Variants in CC2D1B observed in about 807,000 individuals in gnomAD.
The protein encoded by CC2D1B is coiled-coil and C2 domain containing 1B.
Under a neutral mutation model 110.8 loss-of-function variants are expected in CC2D1B, and 92 were observed. The ratio of observed to expected loss-of-function variants is 0.83; its 90% CI spans 0.70 to 0.99. The LOEUF (loss-of-function observed/expected upper bound fraction) is 0.99, where lower values mean the gene tolerates loss of function less well. CC2D1B is among the 50% of genes least tolerant of loss of function. The pLI is 0.00. For synonymous variants in CC2D1B, 406 were observed against 429.2 expected (o/e 0.95, Z 0.67); for missense variants, 1,136 against 1,089.0 (o/e 1.04, Z -0.61).
Position 52,357,075 on chromosome 1 carries a change from C to T in CC2D1B, c.1804G>A (p.Glu602Lys). Residue 602 changes from glutamate (E) to lysine (K), a missense_variant, in exon 16 of 25, where the codon GAG becomes AAG. By Grantham distance (56) the Glu-to-Lys change is moderately conservative. Coordinates refer to ENST00000284376, the MANE Select transcript of CC2D1B (RefSeq NM_001330585.2). ...EEGDFILIHH[E>K]DLRLSQKAEE... Reference sequence around the variant, plus strand: ...GCCTTCTGGGAGAGTCGCAGGTCCTCATGGTGGATGAGGATGAAGTCACCC... The same window carrying T: ...GCCTTCTGGGAGAGTCGCAGGTCCTTATGGTGGATGAGGATGAAGTCACCC... 1 of 1,612,142 alleles carries T rather than the reference C, an allele frequency of 6.2e-7. No individual in the cohort carries two copies. Among genetic ancestry groups the T allele is most frequent in the Non-Finnish European group, 8.5e-7 (1 of 1,179,200 alleles).
intron 3 of CC2D1B, among the ~76,000 whole-genome samples, chr1:52,362,006 C>T (rs1043718708): frequency 3.3e-5 from 5 of 152,194 alleles, no homozygotes; most frequent in Non-Finnish European, 5.9e-5. Flanking sequence ...AAACTTCCAA[C>T]ATTAATTTTC....
At chr1:52,365,308 G>A (rs1049335698) in intron 1 of CC2D1B, among the ~76,000 whole-genome samples, 6 of 152,268 alleles carry the variant, frequency 3.9e-5, no homozygotes, top group Admixed American at 6.5e-5. Context: ...TGGACTACAC[G>A]GGGTTGCCCC....
intron 15 of CC2D1B, among the ~76,000 whole-genome samples, 178 bp downstream of exon 15, chr1:52,357,348 T>C (rs540897204): frequency 6.6e-6 from 1 of 152,356 alleles, no homozygotes; most frequent in East Asian, 1.9e-4. Context: ...TCCCTTCTCC[T>C]GGTTTCCTTT....
rs1482561165 is a variant in CC2D1B, at chr1:52,358,955, G to GGACCAGGGAGACAGAGCACCC, written c.1257+51_1257+71dup. 3.8e-6 allele frequency: 6 copies of GGACCAGGGAGACAGAGCACCC among 1,577,840 alleles called. No homozygotes were observed. In the East Asian group the frequency reaches 1.3e-4, roughly 35 times the overall value. ...TCAGAAAAGACAAGGACTAGCCGGA[G>GGACCAGGGAGACAGAGCACCC]GACCAGGGAGACAGAGCACCCAGCC... On this transcript the variant is annotated intron_variant, in intron 11 of 24. Coordinates refer to ENST00000284376, the MANE Select transcript of CC2D1B (RefSeq NM_001330585.2).
At chr1:52,360,737 C>T in intron 5 of CC2D1B, 188 bp from the exon 6 acceptor site, 1 of 984,812 alleles carries the variant, frequency 1.0e-6, no homozygotes, top group Non-Finnish European at 1.5e-6. Flanking sequence ...AAATACAGAG[C>T]CCCACTTGGT....
chr1:52,359,595 A>G, intron 8 of CC2D1B, 61 bp from the exon 9 acceptor site: 2 of 1,587,692 alleles, frequency 1.3e-6, no homozygotes, highest in Non-Finnish European at 1.7e-6. Flanking sequence ...GCCTGGGCTG[A>G]AACAACCCCC....
At position 52,353,620 on chromosome 1, in the gene CC2D1B, C is replaced by A. The variant is rs746892769; in HGVS notation, c.2458G>T (p.Gly820Trp). 1.2e-6 allele frequency: 2 copies of A among 1,609,070 alleles called. No homozygotes were observed. Among genetic ancestry groups the A allele is most frequent in the Non-Finnish European group, 8.5e-7 (1 of 1,177,554 alleles). ...AGCCTCACCTTCACCTCCAGCTTCCCCCCGGTGGGCTTCCTTCCATCCAGG... is the reference window on the plus strand; with the variant it reads ...AGCCTCACCTTCACCTCCAGCTTCCACCCGGTGGGCTTCCTTCCATCCAGG... ...EVLDGRKPTG[G>W]KLEVKVRLRE... Residue 820 changes from glycine (G) to tryptophan (W), a missense_variant, in exon 24 of 25, where the codon GGG (glycine) becomes TGG (tryptophan). By Grantham distance (184) the Gly-to-Trp change is radical (BLOSUM62 -2). Transcript: ENST00000284376.
At position 52,357,804 on chromosome 1, in the gene CC2D1B, G is replaced by A; in HGVS notation, c.1556C>T (p.Ser519Phe). Residue 519 changes from serine to phenylalanine, a missense_variant, in exon 14 of 25, where the codon TCT (serine) becomes TTT (phenylalanine). Physicochemically the swap from Ser to Phe is radical, Grantham distance 155 (BLOSUM62 -2). Coordinates refer to ENST00000284376, the MANE Select transcript of CC2D1B (RefSeq NM_001330585.2). ...QRLPEPRASS[S>F]KESPSPSVRE... is the part of the protein sequence containing the mutation. ...ACCAGATGGACTCGGTGACTCCTTA[G>A]AACTTGAGGCCCTGGGCTCAGGCAG... The A allele has an allele frequency of 6.3e-7, 1 of 1,592,044 alleles. No individual in the cohort carries two copies. Among genetic ancestry groups the A allele is most frequent in the Non-Finnish European group, 8.6e-7 (1 of 1,169,496 alleles).
intron 16 of CC2D1B, 193 bp downstream of exon 16, chr1:52,356,806 AAG>A: frequency 1.6e-6 from 1 of 630,088 alleles, no homozygotes; most frequent in Non-Finnish European, 2.7e-6. Flanking sequence ...ACCACCCTGA[AAG>A]GGGTATTATC....
At chr1:52,362,788 G>T (rs781040099) in intron 2 of CC2D1B, 42 bp from the exon 3 acceptor site, 1 of 1,607,002 alleles carries the variant, frequency 6.2e-7, no homozygotes, top group East Asian at 2.2e-5. Flanking sequence ...ACAACAAGCA[G>T]GGTAGGGTCC....
In CC2D1B at chr1:52,361,119, T is replaced by A; in HGVS notation, c.332A>T (p.Glu111Val). 1 of 1,613,952 alleles carries A rather than the reference T, an allele frequency of 6.2e-7. No homozygotes were observed. The highest frequency in any genetic ancestry group is 8.5e-7 in the Non-Finnish European group (1 of 1,179,958). The change falls in exon 5 of 25, where the codon GAG (glutamate) becomes GTG (valine). Residue 111 changes from glutamate (E) to valine (V), a missense_variant. Transcript: ENST00000284376. ...EDAELLTELQ[E>V]VLGVDEETEP... ...AGTCTCCTCGTCCACACCTAAGACC[T>A]CCTGCAGCTCCGTCTAGGGAGACAA... is the stretch of plus-strand genomic sequence containing the variant.
Position 52,355,455 on chromosome 1 carries a change from C to T in CC2D1B, c.2188-6G>A. On this transcript the variant is annotated splice_polypyrimidine_tract_variant and splice_region_variant and intron_variant, in intron 20 of 24. Coordinates refer to ENST00000284376, the MANE Select transcript of CC2D1B (RefSeq NM_001330585.2). ...TTGCTTTTTTGAGCCTGGTCCTAAG[C>T]AGTGAGGAGGGAGAAGTCAGGACAG... The T allele has an allele frequency of 2.5e-6, 4 of 1,614,124 alleles. No individual in the cohort carries two copies. Among genetic ancestry groups the T allele is most frequent in the Non-Finnish European group, 3.4e-6 (4 of 1,180,018 alleles).
At chr1:52,355,554 GGTCC>G in intron 20 of CC2D1B, 50 bp downstream of exon 20, 1 of 1,609,776 alleles carries the variant, frequency 6.2e-7, no homozygotes, top group Non-Finnish European at 8.5e-7. Flanking sequence ...GTGAGCACAG[GGTCC>G]TGGAATGCAA....
chr1:52,361,999 C>T (rs1646791387), intron 3 of CC2D1B, among the ~76,000 whole-genome samples: 1 of 152,202 alleles, frequency 6.6e-6, no homozygotes. Context: ...AACTGAGAAA[C>T]TTCCAACATT....
At chr1:52,361,229 C>T (rs1646776228) in intron 4 of CC2D1B, 97 bp from the exon 5 acceptor site, 2 of 1,451,424 alleles carry the variant, frequency 1.4e-6, no homozygotes, top group Admixed American at 3.8e-5. Flanking sequence ...AGCAATATTC[C>T]CTAACGTCAG....
At position 52,350,828 on chromosome 1, in the gene CC2D1B, C is replaced by T. The variant is rs1646521548; in HGVS notation, c.*2397G>A. On this transcript the variant is annotated 3_prime_UTR_variant, in exon 25 of 25. Coordinates refer to ENST00000284376, the MANE Select transcript of CC2D1B (RefSeq NM_001330585.2). ...TGGTACAATCGAGGCTCACTGCAACCTCTGCTTCCTGGGCTCAAGGGATTC... is the reference window on the plus strand; with the variant it reads ...TGGTACAATCGAGGCTCACTGCAACTTCTGCTTCCTGGGCTCAAGGGATTC... The T allele has an allele frequency of 6.6e-6, 1 of 152,314 alleles. No individual in the cohort carries two copies. The highest frequency in any genetic ancestry group is 2.1e-4 in the South Asian group (1 of 4,836). 9.4% of individuals were successfully genotyped at this position (152,314 alleles called of 1,614,324 possible).
rs767111281 is a variant in CC2D1B at position 52,353,503 on chromosome 1, C to T, written c.*1+15G>A. 6 of 1,603,542 alleles carry T rather than the reference C, an allele frequency of 3.7e-6. No homozygotes were observed. Among genetic ancestry groups the T allele is most frequent in the Non-Finnish European group, 3.4e-6 (4 of 1,176,412 alleles). On this transcript the variant is annotated intron_variant, in intron 24 of 24. Coordinates refer to ENST00000284376, the MANE Select transcript of CC2D1B (RefSeq NM_001330585.2). ...GGAGGGGGCAAAGGTTCTGAAGGCC[C>T]AGAGAGCTGCCCACCTCACAAGCCC... is the stretch of plus-strand genomic sequence containing the variant.
intron 12 of CC2D1B, 80 bp downstream of exon 12, chr1:52,358,606 G>T: frequency 6.4e-7 from 1 of 1,566,112 alleles, no homozygotes; most frequent in Non-Finnish European, 8.8e-7. Flanking sequence ...CATGAGAAGT[G>T]GGAATCACTG....
intron 16 of CC2D1B, 79 bp from the exon 17 acceptor site, chr1:52,356,521 A>C: frequency 4.7e-6 from 7 of 1,491,578 alleles, no homozygotes; most frequent in Non-Finnish European, 6.5e-6. Context: ...AGACTTCTCA[A>C]AGCTTCAACT....
Sources: gnomAD v4.1 joint callset for allele counts (sites outside exome capture counted in the v4.1 genomes callset) on GRCh38, gnomAD v4.1.1 for gene constraint, MANE v1.5 for transcripts, NCBI Gene and HGNC (gene_info 2026-07-23, HGNC 2026-07-21) for gene names.